The following XPO4 variants were observed in gnomAD, a reference collection of about 807,000 sequenced individuals.
XPO4 encodes the protein exportin 4, also known as exportin-4.
A neutral mutation model predicts 143.0 loss-of-function variants in XPO4; 39 were observed. The observed-to-expected ratio is 0.27, with a 90% confidence interval of 0.21 to 0.36. XPO4 has a LOEUF of 0.36. Ranked by LOEUF, XPO4 falls within the 10% of genes least tolerant of loss-of-function variation. XPO4 has a pLI of 1.00. For synonymous variants in XPO4, 439 were observed against 474.0 expected, an observed-to-expected ratio of 0.93 and a Z score of 0.96; for missense variants, 907 against 1,348.0, an observed-to-expected ratio of 0.67 and a Z score of 5.12.
chr13:20,835,726 C>T (rs972809703), intron 6 of XPO4, among the ~76,000 whole-genome samples: 6 of 152,186 alleles, frequency 3.9e-5, no homozygotes, highest in Non-Finnish European at 5.9e-5. Context: ...GTTTGAACTG[C>T]ACAGGTCCAC....
chr13:20,894,865 G>A (rs980951234), intron 1 of XPO4, among the ~76,000 whole-genome samples: 29 of 147,542 alleles, frequency 2.0e-4, no homozygotes, highest in Non-Finnish European at 3.9e-4. Context: ...AAAAAAAAAG[G>A]TAGATTTTTT....
intron 6 of XPO4, among the ~76,000 whole-genome samples, chr13:20,833,408 C>G (rs73167450): frequency 6.6e-6 from 1 of 152,074 alleles, no homozygotes. Context: ...AATCCAGAGT[C>G]TCTGATATAA....
At chr13:20,843,912 T>TACA in intron 4 of XPO4, 26 bp from the exon 5 acceptor site, 1 of 1,529,990 alleles carries the variant, frequency 6.5e-7, no homozygotes, top group Non-Finnish European at 9.0e-7. Flanking sequence ...AAGAAATAAT[T>TACA]GTGAGGCATT....
At chr13:20,807,759 T>C in intron 12 of XPO4, 125 bp from the exon 13 acceptor site, 1 of 780,590 alleles carries the variant, frequency 1.3e-6, no homozygotes, top group Non-Finnish European at 1.8e-6. Context: ...AATGTTAACC[T>C]GTTAATTTCA....
intron 1 of XPO4, among the ~76,000 whole-genome samples, chr13:20,889,966 T>C (rs1044031927): frequency 6.6e-6 from 1 of 152,220 alleles, no homozygotes; most frequent in Non-Finnish European, 1.5e-5. Flanking sequence ...TTCACCAATA[T>C]TGTGTGCCAC....
rs548633334 is a variant in XPO4 at position 20,807,003 on chromosome 13, T to C, written c.1817+454A>G. ...GGGCTCTTAAGTTTCACATTTAGAA[T>C]ACATATTTCCATTTTACGAGATACA... On this transcript the variant is annotated intron_variant, in intron 13 of 22. Coordinates refer to ENST00000255305, the MANE Select transcript of XPO4 (RefSeq NM_022459.5). 4.6e-5 allele frequency among the ~76,000 whole-genome samples: 7 copies of C among 152,292 alleles called. No individual in the cohort carries two copies. The East Asian group carries it at 5.8e-4, about 13-fold the overall frequency.
chr13:20,863,076 C>T, intron 2 of XPO4: 1 of 1,257,498 alleles, frequency 8.0e-7, no homozygotes, highest in Non-Finnish European at 1.0e-6. Flanking sequence ...ACAATTTTCA[C>T]AAACTTTCCT....
chr13:20,898,390 C>T (rs573330902), intron 1 of XPO4, among the ~76,000 whole-genome samples: 3 of 152,140 alleles, frequency 2.0e-5, no homozygotes, highest in Admixed American at 6.6e-5. Flanking sequence ...CGTGTTGAAA[C>T]CTCATCTCTA....
chr13:20,824,462 T>C (rs1007928560), intron 7 of XPO4, among the ~76,000 whole-genome samples: 2 of 152,134 alleles, frequency 1.3e-5, no homozygotes, highest in African/African-American at 4.8e-5. Flanking sequence ...CTCAATGAAA[T>C]AGCTAATGAA....
intron 18 of XPO4, among the ~76,000 whole-genome samples, chr13:20,793,985 C>A (rs1051740228): frequency 6.6e-5 from 10 of 152,124 alleles, no homozygotes; most frequent in African/African-American, 2.2e-4. Flanking sequence ...AAGGGGCCTT[C>A]AAGGTAGGAA....
rs1023526361 is a variant in XPO4, at chr13:20,869,519, A to G, written c.70-818T>C. On this transcript the variant is annotated intron_variant, in intron 1 of 22. Coordinates refer to ENST00000255305, the MANE Select transcript of XPO4 (RefSeq NM_022459.5). ...ACCTTTATTATTCAAACCATTGAAT[A>G]AAGAGGGCAACTCATAATTTCAATT... 4 of 962,310 alleles carry G rather than the reference A, an allele frequency of 4.2e-6. No individual in the cohort carries two copies. In the African/African-American group the frequency reaches 7.1e-5, roughly 17 times the overall value. 59.6% of individuals were successfully genotyped at this position (962,310 alleles called of 1,614,324 possible).
At chr13:20,822,055 T>C in intron 8 of XPO4, 77 bp downstream of exon 8, 1 of 1,481,718 alleles carries the variant, frequency 6.7e-7, no homozygotes, top group Non-Finnish European at 9.0e-7. Context: ...AAAAAATAAC[T>C]AGTTTCTTTT....
chr13:20,890,228 T>C (rs1447270348), intron 1 of XPO4, among the ~76,000 whole-genome samples: 1 of 151,336 alleles, frequency 6.6e-6, no homozygotes, highest in African/African-American at 2.5e-5. Flanking sequence ...GGTGGGAGGA[T>C]CGCTTGAGCC....
intron 22 of XPO4, among the ~76,000 whole-genome samples, chr13:20,786,323 ATATATG>A (rs2059206389): frequency 6.6e-6 from 1 of 151,004 alleles, no homozygotes; most frequent in African/African-American, 2.4e-5. Flanking sequence ...ATATATATAT[ATATATG>A]TACCTTACAT....
At chr13:20,858,338 G>C (rs761511438) in intron 3 of XPO4, among the ~76,000 whole-genome samples, 5 of 152,132 alleles carry the variant, frequency 3.3e-5, no homozygotes, top group African/African-American at 4.8e-5. Flanking sequence ...ATTATATCAA[G>C]AGTATTGAGA....
rs570729337 is a variant in XPO4 at position 20,889,843 on chromosome 13, G to T, written c.69+12827C>A. Among the ~76,000 whole-genome samples the T allele has an allele frequency of 5.4e-5, 8 of 149,212 alleles. No individual in the cohort carries two copies. In the Admixed American group the frequency reaches 5.4e-4, roughly 10 times the overall value. ...GTTCGTAAGTGGGCAAATGCTAAAG[G>T]TAGGTGTATATATAAAGTTAATGAA... is the stretch of plus-strand genomic sequence containing the variant. On this transcript the variant is annotated intron_variant, in intron 1 of 22. Transcript: ENST00000255305.
At chr13:20,785,901 A>AGGGG (rs1555329590) in intron 22 of XPO4, among the ~76,000 whole-genome samples, 1 of 126,392 alleles carries the variant, frequency 7.9e-6, no homozygotes, top group East Asian at 2.4e-4. Flanking sequence ...AGAAAGAAAG[A>AGGGG]GGAGGGAGGA....
In XPO4 at chr13:20,896,829, C is replaced by A. The variant is rs1169565084; in HGVS notation, c.69+5841G>T. 4.6e-5 allele frequency among the ~76,000 whole-genome samples: 7 copies of A among 152,314 alleles called. No individual in the cohort carries two copies. The East Asian group carries it at 1.3e-3, about 29-fold the overall frequency. On this transcript the variant is annotated intron_variant, in intron 1 of 22. Coordinates refer to ENST00000255305, the MANE Select transcript of XPO4 (RefSeq NM_022459.5). The stretch of plus-strand genomic sequence containing the variant: ...TCATTTAATACATGGTTTCAGATAA[C>A]TATTTGTTATCATATTGAGAATTCC...
At chr13:20,875,890 T>C (rs186949608) in intron 1 of XPO4, among the ~76,000 whole-genome samples, 1 of 152,042 alleles carries the variant, frequency 6.6e-6, no homozygotes, top group East Asian at 1.9e-4. Context: ...AAAATCCCAA[T>C]AGGGTTTATA....
Sources: allele counts gnomAD v4.1 joint callset (sites outside exome capture counted in the v4.1 genomes callset), GRCh38; gene constraint gnomAD v4.1.1; transcripts MANE v1.5; gene names NCBI Gene and HGNC (gene_info 2026-07-23, HGNC 2026-07-21).